Variants in MAPK6 observed in about 807,000 individuals in gnomAD.
The protein encoded by MAPK6 is mitogen-activated protein kinase 6.
In MAPK6, 19 loss-of-function variants were observed where a neutral mutation model predicts 59.3. The ratio of observed to expected loss-of-function variants is 0.32; its 90% CI spans 0.22 to 0.47. MAPK6 has a LOEUF of 0.47. Among genes scored for constraint, MAPK6 ranks in the 20% least tolerant of loss-of-function variants. MAPK6 has a pLI of 1.00. For missense variants in MAPK6, 724 were observed against 847.9 expected (o/e 0.85, Z 1.81); for synonymous variants, 316 against 290.3 (o/e 1.09, Z -0.90).
chr15:52,057,026 T>G (rs1177082163), intron 3 of MAPK6: 1 of 152,194 alleles, frequency 6.6e-6, no homozygotes, highest in Non-Finnish European at 1.5e-5. Flanking sequence ...AGTACCTCCA[T>G]TTTTCAGTTG....
intron 3 of MAPK6, among the ~76,000 whole-genome samples, chr15:52,052,111 A>C (rs989687629): frequency 1.3e-5 from 2 of 152,180 alleles, no homozygotes; most frequent in African/African-American, 4.8e-5. Context: ...AACGTTTTAC[A>C]GTTTCTGTGT....
chr15:51,984,593 G>A (rs899415587), intron 2 of MAPK6, among the ~76,000 whole-genome samples: 10 of 151,356 alleles, frequency 6.6e-5, no homozygotes, highest in Non-Finnish European at 1.0e-4. Context: ...ATGAGCCACC[G>A]TGCCCGGCCA....
chr15:52,049,967 A>G, intron 2 of MAPK6, 26 bp from the exon 3 acceptor site: 1 of 1,597,238 alleles, frequency 6.3e-7, no homozygotes, highest in South Asian at 1.1e-5. Context: ...AAAGTAAAAA[A>G]AGTATGTTTT....
rs534187418 is a variant in MAPK6 at position 52,061,322 on chromosome 15, T to C, written c.889T>C (p.Leu297=). The change falls in exon 5 of 6, where the codon TTG becomes CTG. Residue 297 remains leucine, a synonymous_variant. Coordinates refer to ENST00000261845, the MANE Select transcript of MAPK6 (RefSeq NM_002748.4). The part of the protein sequence containing the change: ...REALDFLEQI[L]TFSPMDRLTA... ...AGCACTGGATTTCCTGGAACAAATT[T>C]TGACATTTAGCCCCATGGATCGGTT... 2.3e-4 allele frequency: 366 copies of C among 1,614,134 alleles called. 5 individuals carry two copies. In the South Asian group the frequency reaches 3.7e-3, roughly 16 times the overall value.
At chr15:52,006,995 C>G (rs1461046980) in intron 3 of MAPK6, among the ~76,000 whole-genome samples, 3 of 152,070 alleles carry the variant, frequency 2.0e-5, no homozygotes, top group Admixed American at 1.3e-4. Flanking sequence ...TGTTCTCAGG[C>G]CAACTCTTAG....
At chr15:52,026,568 A>G (rs756997468) in intron 1 of MAPK6, among the ~76,000 whole-genome samples, 4 of 152,072 alleles carry the variant, frequency 2.6e-5, no homozygotes, top group Non-Finnish European at 4.4e-5. Context: ...CAGGGATTAC[A>G]GGCGTGAGCC....
chr15:52,035,062 A>C (rs1595987719), intron 1 of MAPK6, among the ~76,000 whole-genome samples: 1 of 152,058 alleles, frequency 6.6e-6, no homozygotes, highest in African/African-American at 2.4e-5. Flanking sequence ...TTTAGTCTAG[A>C]TTCTGGTTCT....
At position 52,064,925 on chromosome 15, in the gene MAPK6, A is replaced by G. The variant is rs1455140313; in HGVS notation, c.2091A>G (p.Leu697=). Residue 697 remains leucine, a synonymous_variant, in exon 6 of 6, where the codon TTA becomes TTG. Transcript: ENST00000261845. ...CACTTAAGTCAATACAGGCCACATT[A>G]ACACCTTCTGCTATGAAATCTTCCC... is the stretch of plus-strand genomic sequence containing the variant. The part of the protein sequence containing the change: ...GSPLKSIQAT[L]TPSAMKSSPQ... 4 of 1,611,922 alleles carry G rather than the reference A, an allele frequency of 2.5e-6. No individual in the cohort carries two copies. The highest frequency in any genetic ancestry group is 3.4e-6 in the Non-Finnish European group (4 of 1,179,780).
At chr15:52,053,061 C>T (rs866258723) in intron 3 of MAPK6, among the ~76,000 whole-genome samples, 54 of 146,572 alleles carry the variant, frequency 3.7e-4, no homozygotes, top group Middle Eastern at 3.5e-3. Flanking sequence ...GAAGTAGTAT[C>T]TCATTGTGGT....
intron 1 of MAPK6, chr15:52,034,052 C>G (rs1247747821): frequency 6.6e-6 from 1 of 150,696 alleles, no homozygotes; most frequent in African/African-American, 2.4e-5. Flanking sequence ...GTGGTGTGAT[C>G]TCGGCTCACT....
In MAPK6 at chr15:52,064,893, G is replaced by T. The variant is rs1297220936; in HGVS notation, c.2059G>T (p.Gly687Trp). The change falls in exon 6 of 6, where the codon GGG becomes TGG. Residue 687 changes from glycine (G) to tryptophan (W), a missense_variant. Coordinates refer to ENST00000261845, the MANE Select transcript of MAPK6 (RefSeq NM_002748.4). ...IGIPQFHSPV[G>W]SPLKSIQATL... ...CATCCCACAGTTTCACAGTCCAGTT[G>T]GGTCACCACTTAAGTCAATACAGGC... The T allele has an allele frequency of 6.2e-7, 1 of 1,611,772 alleles. No individual in the cohort carries two copies. Among genetic ancestry groups the T allele is most frequent in the Non-Finnish European group, 8.5e-7 (1 of 1,179,820 alleles).
upstream of MAPK6, chr15:52,018,912 C>T (rs752194410): frequency 6.6e-6 from 1 of 152,416 alleles, no homozygotes; most frequent in African/African-American, 2.4e-5. Flanking sequence ...TTGCCCAGTG[C>T]CTTGCACGTA....
chr15:52,061,668 C>T (rs973080349), intron 5 of MAPK6, among the ~76,000 whole-genome samples, 168 bp downstream of exon 5: 2 of 152,020 alleles, frequency 1.3e-5, no homozygotes, highest in African/African-American at 4.8e-5. Flanking sequence ...GTAGTCCTAG[C>T]TACTTGGAGG....
intron 1 of MAPK6, among the ~76,000 whole-genome samples, chr15:52,027,323 C>T (rs529551278): frequency 4.5e-5 from 5 of 110,080 alleles, no homozygotes; most frequent in Non-Finnish European, 8.3e-5. Context: ...GTACTCCAGG[C>T]TGGGTGACAG....
At chr15:52,001,390 A>G (rs957203973) in intron 2 of MAPK6, among the ~76,000 whole-genome samples, 11 of 152,134 alleles carry the variant, frequency 7.2e-5, no homozygotes, top group Non-Finnish European at 8.8e-5. Flanking sequence ...TAGACTCTCA[A>G]TTCTACTCTA....
chr15:52,026,932 C>T (rs540642377), intron 1 of MAPK6, among the ~76,000 whole-genome samples: 1 of 151,664 alleles, frequency 6.6e-6, no homozygotes, highest in East Asian at 2.0e-4. Flanking sequence ...TACCTGTACT[C>T]CCAGCTACTC....
intron 2 of MAPK6, among the ~76,000 whole-genome samples, chr15:51,983,565 T>C (rs1294083843): frequency 6.6e-6 from 1 of 151,712 alleles, no homozygotes; most frequent in African/African-American, 2.4e-5. Context: ...ATCCCAGCAC[T>C]TTGGGAGGCC....
Position 52,067,318 on chromosome 15 carries a change from C to A in MAPK6, c.*2318C>A. The A allele has an allele frequency of 6.6e-6, 1 of 152,118 alleles. No homozygotes were observed. Among genetic ancestry groups the A allele is most frequent in the East Asian group, 1.9e-4 (1 of 5,196 alleles). 9.4% of individuals were successfully genotyped at this position (152,118 alleles called of 1,614,324 possible). A position where few individuals can be genotyped will look rare whatever the true frequency, so the allele number is the denominator to read the frequency against. ...TAAAATATGCTTGCTTTAGGGTGAC[C>A]CAGGCTGAGTACTAAGTTGTAAAGT... On this transcript the variant is annotated 3_prime_UTR_variant, in exon 6 of 6. Coordinates refer to ENST00000261845, the MANE Select transcript of MAPK6 (RefSeq NM_002748.4).
chr15:51,992,453 C>T (rs1260977242), intron 2 of MAPK6, among the ~76,000 whole-genome samples: 2 of 151,898 alleles, frequency 1.3e-5, no homozygotes, highest in Non-Finnish European at 2.9e-5. Context: ...AGGTGCACGC[C>T]ACCACATCTG....
Sources: gnomAD v4.1 joint callset for allele counts (sites outside exome capture counted in the v4.1 genomes callset) on GRCh38, gnomAD v4.1.1 for gene constraint, MANE v1.5 for transcripts, NCBI Gene and HGNC (gene_info 2026-07-23, HGNC 2026-07-21) for gene names.